Variants in OPCML observed in about 807,000 individuals in gnomAD.
OPCML encodes the protein opioid binding protein/cell adhesion molecule like.
A neutral mutation model predicts 37.8 loss-of-function variants in OPCML; 13 were observed. The observed-to-expected ratio is 0.34, with a 90% CI of 0.22 to 0.55. OPCML has a LOEUF of 0.55. Among genes scored for constraint, OPCML ranks in the 20% least tolerant of loss-of-function variants. OPCML has a pLI of 0.91. For synonymous variants in OPCML, 176 were observed against 168.8 expected (o/e 1.04, Z -0.33); for missense variants, 341 against 435.6 (o/e 0.78, Z 1.93).
chr11:133,104,059 G>T (rs1382560820), intron 1 of OPCML, among the ~76,000 whole-genome samples: 2 of 152,172 alleles, frequency 1.3e-5, no homozygotes, highest in Admixed American at 6.5e-5. Context: ...TTAGCAACTT[G>T]TACAGCTCTG....
At chr11:132,853,790 G>A (rs1045720971) in intron 2 of OPCML, among the ~76,000 whole-genome samples, 4 of 152,114 alleles carry the variant, frequency 2.6e-5, no homozygotes, top group African/African-American at 9.7e-5. Flanking sequence ...TTGCCTGTAT[G>A]AGATATAAAA....
At chr11:132,438,629 G>C (rs181067793) in intron 4 of OPCML, among the ~76,000 whole-genome samples, 76 of 151,834 alleles carry the variant, frequency 5.0e-4, no homozygotes, top group Admixed American at 4.5e-3. Context: ...GAATGTGTCT[G>C]TGGAGATGGG....
rs186845957 is a variant in OPCML at position 132,752,801 on chromosome 11, A to G, written c.147-95482T>C. 3.9e-3 allele frequency among the ~76,000 whole-genome samples: 598 copies of G among 152,226 alleles called. 7 individuals carry two copies. The highest frequency in any genetic ancestry group is 0.014 in the African/African-American group (575 of 41,528). On this transcript the variant is annotated intron_variant, in intron 2 of 7. Transcript: ENST00000524381. ...AGATAGATTGAAGGATAGATAGATG[A>G]TATATAAAAGACAGGCCTCCTTCCT...
At chr11:132,577,111 G>C (rs1373247751) in intron 3 of OPCML, among the ~76,000 whole-genome samples, 1 of 152,142 alleles carries the variant, frequency 6.6e-6, no homozygotes, top group African/African-American at 2.4e-5. Context: ...GCTTTAGTGA[G>C]TCTGGTTTTG....
rs61085851 is a variant in OPCML, at chr11:132,569,578, T to C, written c.380-40392A>G. Among the ~76,000 whole-genome samples, 1,787 of 152,246 alleles carry C rather than the reference T, an allele frequency of 0.012. 124 individuals carry two copies. The East Asian group carries it at 0.21, about 18-fold the overall frequency. On this transcript the variant is annotated intron_variant, in intron 3 of 7. Transcript: ENST00000524381. Reference sequence around the variant, plus strand: ...CTTCAGAATTAAGGAAAAACTTCAATCTTCATAATGTGGCAGTAGGGGGTA... The same window carrying C: ...CTTCAGAATTAAGGAAAAACTTCAACCTTCATAATGTGGCAGTAGGGGGTA...
rs1277641415 is a variant in OPCML, at chr11:132,415,727, G to A, written c.*4466C>T. On this transcript the variant is annotated 3_prime_UTR_variant, in exon 8 of 8. Coordinates refer to ENST00000524381, the MANE Select transcript of OPCML (RefSeq NM_001012393.5). ...ATTAAGTCCACTCCACATTTCTTTG[G>A]ACTCTAAGTATTCTGCACCTGAAGG... The A allele has an allele frequency of 6.6e-6, 1 of 152,598 alleles. No individual in the cohort carries two copies. The highest frequency in any genetic ancestry group is 6.5e-5 in the Admixed American group (1 of 15,272). 9.5% of individuals were successfully genotyped at this position (152,598 alleles called of 1,614,324 possible).
chr11:132,784,617 G>A, intron 2 of OPCML, among the ~76,000 whole-genome samples: 1 of 152,000 alleles, frequency 6.6e-6, no homozygotes, highest in East Asian at 1.9e-4. Flanking sequence ...GTTGAAATGT[G>A]ACCTCCAATG....
intron 2 of OPCML, among the ~76,000 whole-genome samples, chr11:132,685,589 T>C (rs1254206847): frequency 6.6e-6 from 1 of 152,214 alleles, no homozygotes; most frequent in Non-Finnish European, 1.5e-5. Context: ...AAGGAAACAG[T>C]AATTACATGT....
chr11:133,324,182 C>A (rs1050551867), intron 1 of OPCML, among the ~76,000 whole-genome samples: 1 of 152,170 alleles, frequency 6.6e-6, no homozygotes, highest in Non-Finnish European at 1.5e-5. Flanking sequence ...TAAGGATTTT[C>A]TTCAGCATTC....
chr11:133,193,552 C>T (rs2136305893), intron 1 of OPCML, among the ~76,000 whole-genome samples: 1 of 152,180 alleles, frequency 6.6e-6, no homozygotes, highest in South Asian at 2.1e-4. Flanking sequence ...AAATGAAAAC[C>T]ACTAATGGGC....
At chr11:132,553,385 C>T (rs1214460899) in intron 3 of OPCML, among the ~76,000 whole-genome samples, 1 of 152,110 alleles carries the variant, frequency 6.6e-6, no homozygotes, top group Admixed American at 6.6e-5. Context: ...ACTCCTAAGT[C>T]GGTGTGTACA....
At chr11:132,605,411 A>T (rs1227902472) in intron 3 of OPCML, among the ~76,000 whole-genome samples, 1 of 151,858 alleles carries the variant, frequency 6.6e-6, no homozygotes, top group Non-Finnish European at 1.5e-5. Flanking sequence ...AAAAAAAAAA[A>T]AAGTTAGCTG....
At chr11:132,960,608 C>G (rs2136720538) in intron 1 of OPCML, among the ~76,000 whole-genome samples, 1 of 152,304 alleles carries the variant, frequency 6.6e-6, no homozygotes, top group South Asian at 2.1e-4. Context: ...ATCTGTCTGT[C>G]TTCCCTTTTC....
At chr11:133,033,758 A>T (rs980923800) in intron 1 of OPCML, among the ~76,000 whole-genome samples, 1 of 152,214 alleles carries the variant, frequency 6.6e-6, no homozygotes, top group South Asian at 2.1e-4. Flanking sequence ...ATATGCAGCT[A>T]GTGGTTATAG....
At chr11:132,677,557 A>T (rs570587932) in intron 2 of OPCML, among the ~76,000 whole-genome samples, 7 of 152,200 alleles carry the variant, frequency 4.6e-5, no homozygotes, top group Non-Finnish European at 8.8e-5. Flanking sequence ...GCCAAAGAAT[A>T]GACTCCAAGT....
At chr11:132,604,073 C>A (rs996352305) in intron 3 of OPCML, among the ~76,000 whole-genome samples, 3 of 152,136 alleles carry the variant, frequency 2.0e-5, no homozygotes, top group Non-Finnish European at 4.4e-5. Flanking sequence ...CTTGTTGGTG[C>A]TCCACATTTG....
intron 2 of OPCML, among the ~76,000 whole-genome samples, chr11:132,813,775 T>A (rs561143328): frequency 9.2e-5 from 14 of 152,246 alleles, no homozygotes; most frequent in South Asian, 2.1e-4. Context: ...ACTCCTACCT[T>A]AATTCTCATC....
At chr11:133,000,940 G>A (rs969098984) in intron 1 of OPCML, among the ~76,000 whole-genome samples, 3 of 152,118 alleles carry the variant, frequency 2.0e-5, no homozygotes, top group Admixed American at 1.3e-4. Context: ...CAGTATGGCA[G>A]CTCCCCTGCC....
At chr11:133,308,637 A>G (rs1055064343) in intron 1 of OPCML, among the ~76,000 whole-genome samples, 3 of 152,176 alleles carry the variant, frequency 2.0e-5, no homozygotes, top group Admixed American at 6.5e-5. Flanking sequence ...AACTAGATGC[A>G]GTTAACCCAC....
Sources: allele counts gnomAD v4.1 joint callset (sites outside exome capture counted in the v4.1 genomes callset), GRCh38; gene constraint gnomAD v4.1.1; transcripts MANE v1.5; gene names NCBI Gene and HGNC (gene_info 2026-07-23, HGNC 2026-07-21).